Variants in FKBP15 observed in about 807,000 individuals in gnomAD.
FKBP15 encodes FKBP prolyl isomerase family member 15.
FKBP15 carries 106 observed loss-of-function variants against 158.1 expected under a neutral mutation model. The ratio of observed to expected loss-of-function variants is 0.67; its 90% CI spans 0.57 to 0.79. The LOEUF is 0.79. Ranked by LOEUF, FKBP15 falls within the 30% of genes least tolerant of loss-of-function variation. FKBP15 has a pLI of 0.00. For missense variants in FKBP15, 1,287 were observed against 1,479.1 expected (o/e 0.87, Z 2.13); for synonymous variants, 547 against 548.6 (o/e 1.00, Z 0.04).
At chr9:113,193,610 T>C in intron 10 of FKBP15, 61 bp from the exon 11 acceptor site, 10 of 1,342,058 alleles carry the variant, frequency 7.5e-6, no homozygotes, top group Non-Finnish European at 1.0e-5. Flanking sequence ...CAAGTCCAAA[T>C]TATATTGGAT....
intron 2 of FKBP15, among the ~76,000 whole-genome samples, chr9:113,211,122 T>C (rs1830992519): frequency 6.6e-6 from 1 of 152,190 alleles, no homozygotes; most frequent in African/African-American, 2.4e-5. Context: ...TTCTATTAGC[T>C]CTGTCCCTCT....
rs1343932882 is a variant in FKBP15 at position 113,165,914 on chromosome 9, G to C, written c.*164C>G. 1 of 572,096 alleles carries C rather than the reference G, an allele frequency of 1.7e-6. No homozygotes were observed. Among genetic ancestry groups the C allele is most frequent in the Admixed American group, 3.0e-5 (1 of 33,172 alleles). The allele number at this position is 572,096 out of a possible 1,614,324, so 35.4% of individuals were successfully genotyped here. ...GATCCTCTTCACCAGGTCTGGCGGG[G>C]GTGGGGCTCAGAAGGTGGCCAACCC... On this transcript the variant is annotated 3_prime_UTR_variant, in exon 28 of 28. Coordinates refer to ENST00000238256, the MANE Select transcript of FKBP15 (RefSeq NM_015258.2).
intron 9 of FKBP15, among the ~76,000 whole-genome samples, chr9:113,194,924 A>T (rs1830642141): frequency 6.6e-6 from 1 of 152,340 alleles, no homozygotes; most frequent in South Asian, 2.1e-4. Flanking sequence ...TTTCTATCAT[A>T]AACAATGCTT....
intron 2 of FKBP15, among the ~76,000 whole-genome samples, 168 bp from the exon 3 acceptor site, chr9:113,207,464 T>C (rs1238473154): frequency 2.6e-5 from 4 of 151,784 alleles, no homozygotes; most frequent in Non-Finnish European, 5.9e-5. Flanking sequence ...CTCAGCCTCA[T>C]GAGTAGCTGG....
At chr9:113,200,237 T>C (rs1166037050) in intron 6 of FKBP15, among the ~76,000 whole-genome samples, 1 of 152,212 alleles carries the variant, frequency 6.6e-6, no homozygotes, top group East Asian at 1.9e-4. Context: ...AAGATGGAGA[T>C]GATGCTTCAC....
At chr9:113,188,633 T>C in intron 12 of FKBP15, 142 bp from the exon 13 acceptor site, 1 of 649,000 alleles carries the variant, frequency 1.5e-6, no homozygotes, top group Non-Finnish European at 2.7e-6. Context: ...AGGCCAAGAG[T>C]TGAGGGTGTG....
At position 113,221,226 on chromosome 9, in the gene FKBP15, G is replaced by A. The variant is rs781248130; in HGVS notation, c.18C>T (p.Asp6=). The change falls in exon 1 of 28, where the codon GAC becomes GAT. Residue 6 remains aspartate (D), a synonymous_variant. Transcript: ENST00000238256. ...GCGAGAGGAAATCGGTGTCGTCCTC[G>A]TCCCCCGCACCGAACATTGCGTTGG... The part of the protein sequence containing the change: MFGAG[D]EDDTDFLSPS... 1 of 1,609,360 alleles carries A rather than the reference G, an allele frequency of 6.2e-7. No individual in the cohort carries two copies. The highest frequency in any genetic ancestry group is 8.5e-7 in the Non-Finnish European group (1 of 1,177,944).
At position 113,198,801 on chromosome 9, in the gene FKBP15, A is replaced by C; in HGVS notation, c.717+54T>G. On this transcript the variant is annotated intron_variant, in intron 8 of 27. Transcript: ENST00000238256. This position sits in a 1 kb window ranked among gnomAD's most constrained non-coding sequence, Gnocchi z 5.2. ...AAGGAATTCCACAAAATTTAATCTA[A>C]GTTAAACCCACTGCAACTGATAAAA... is the stretch of plus-strand genomic sequence containing the variant. 1 of 1,186,466 alleles carries C rather than the reference A, an allele frequency of 8.4e-7. No homozygotes were observed. The allele number at this position is 1,186,466 out of a possible 1,614,324, so 73.5% of individuals were successfully genotyped here.
At chr9:113,168,996 G>GCCACACTACCGCAGGGCCCA (rs1564146947) in intron 26 of FKBP15, among the ~76,000 whole-genome samples, 7 of 148,856 alleles carry the variant, frequency 4.7e-5, no homozygotes. Context: ...CACAGTGCCC[G>GCCACACTACCGCAGGGCCCA]CCACACTACC....
At chr9:113,187,936 C>T in intron 13 of FKBP15, 37 bp from the exon 14 acceptor site, 1 of 1,512,358 alleles carries the variant, frequency 6.6e-7, no homozygotes, top group Non-Finnish European at 9.2e-7. Context: ...GTTATCCACC[C>T]TTGCTTCTTG....
intron 19 of FKBP15, among the ~76,000 whole-genome samples, chr9:113,180,715 C>G (rs538230939): frequency 6.6e-6 from 1 of 152,138 alleles, no homozygotes; most frequent in Non-Finnish European, 1.5e-5. Flanking sequence ...AGGTCTTTTA[C>G]CCTTTCATTC....
At chr9:113,178,478 T>C (rs147811705) in intron 20 of FKBP15, among the ~76,000 whole-genome samples, 152 bp downstream of exon 20, 16 of 152,304 alleles carry the variant, frequency 1.1e-4, no homozygotes, top group South Asian at 2.1e-4. Context: ...TGTAAAACAA[T>C]CATGTAGGTT....
chr9:113,173,483 G>C lies in FKBP15; in HGVS notation c.2502C>G (p.Tyr834Ter). Residue 834 changes from tyrosine (Y) to a stop codon, truncating the protein, a stop_gained, in exon 23 of 28, where the codon TAC becomes TAG. Coordinates refer to ENST00000238256, the MANE Select transcript of FKBP15 (RefSeq NM_015258.2). LOFTEE classifies it high-confidence loss of function. ...CCTGAAGTTGTACCAGCTTCTGCTG[G>C]TAGGCATCTCTCTGTGCGCACACCT... ...YQEVCAQRDA[Y>*]QQKLVQLQEK... 6.2e-7 allele frequency: 1 copy of C among 1,613,726 alleles called. No homozygotes were observed. The highest frequency in any genetic ancestry group is 8.5e-7 in the Non-Finnish European group (1 of 1,179,676).
chr9:113,211,857 C>G (rs1831012970), intron 1 of FKBP15, among the ~76,000 whole-genome samples: 1 of 152,130 alleles, frequency 6.6e-6, no homozygotes, highest in South Asian at 2.1e-4. Context: ...ATCCCCAGGA[C>G]CTTGGTCAAG....
rs980589388 is a variant in FKBP15 at position 113,198,475 on chromosome 9, G to A, written c.717+380C>T. On this transcript the variant is annotated intron_variant, in intron 8 of 27. Coordinates refer to ENST00000238256, the MANE Select transcript of FKBP15 (RefSeq NM_015258.2). This position sits in a 1 kb window ranked among gnomAD's most constrained non-coding sequence, Gnocchi z 5.2. The stretch of plus-strand genomic sequence containing the variant: ...AACCTGATTAGAAATTCCACAGGCC[G>A]GACATGGTGGTTCATGCCTGTAATC... Among the ~76,000 whole-genome samples, 6 of 152,216 alleles carry A rather than the reference G, an allele frequency of 3.9e-5. No individual in the cohort carries two copies. The highest frequency in any genetic ancestry group is 1.2e-4 in the African/African-American group (5 of 41,450).
At chr9:113,176,274 AGTT>A (rs1422840782) in intron 21 of FKBP15, among the ~76,000 whole-genome samples, 1 of 152,198 alleles carries the variant, frequency 6.6e-6, no homozygotes, top group Non-Finnish European at 1.5e-5. Context: ...CTGTAAAAAA[AGTT>A]GTCAGTATAC....
Position 113,169,768 on chromosome 9 carries a change from T to TG in FKBP15, c.2940dup (p.Met981HisfsTer35), listed in dbSNP as rs777279614. The TG allele has an allele frequency of 1.9e-6, 3 of 1,603,600 alleles. No individual in the cohort carries two copies. The Admixed American group carries it at 5.1e-5, about 27-fold the overall frequency. On this transcript the variant is annotated frameshift_variant, in exon 26 of 28. Coordinates refer to ENST00000238256, the MANE Select transcript of FKBP15 (RefSeq NM_015258.2). LOFTEE classifies it high-confidence loss of function. ...TCGACCACCTGCTCTGAGGGCACCA[T>TG]GGGGGACTCTGGCCTCTCCCTATTC...
intron 19 of FKBP15, among the ~76,000 whole-genome samples, chr9:113,179,928 G>C (rs746496053): frequency 1.8e-4 from 28 of 152,162 alleles, no homozygotes; most frequent in Non-Finnish European, 2.4e-4. Context: ...ATGAAATCTA[G>C]AAGTTCCAGA....
chr9:113,213,766 T>C (rs953973691), intron 1 of FKBP15, among the ~76,000 whole-genome samples: 1 of 152,158 alleles, frequency 6.6e-6, no homozygotes, highest in Non-Finnish European at 1.5e-5. Flanking sequence ...CCTTCTGACC[T>C]TGAACTTCTC....
Sources: allele counts gnomAD v4.1 joint callset (sites outside exome capture counted in the v4.1 genomes callset), GRCh38; gene constraint gnomAD v4.1.1; non-coding constraint Gnocchi (gnomAD v3.1); transcripts MANE v1.5; gene names NCBI Gene and HGNC (gene_info 2026-07-23, HGNC 2026-07-21).